Variants in STK32B observed in about 807,000 individuals in gnomAD.
STK32B encodes the protein serine/threonine kinase 32B, also known as serine/threonine-protein kinase 32B.
STK32B carries 43 observed loss-of-function variants against 52.6 expected under a neutral mutation model. That is an observed-to-expected ratio of 0.82 (90% CI 0.64 to 1.05). The LOEUF (loss-of-function observed/expected upper bound fraction) is 1.05. STK32B is among the 50% of genes least tolerant of loss of function. The probability of loss-of-function intolerance (pLI) is 0.00; values close to 1 mark genes in which losing one functional copy is unlikely to be tolerated. For synonymous variants in STK32B, 238 were observed against 204.3 expected, an observed-to-expected ratio of 1.17 and a Z score of -1.41; for missense variants, 621 against 534.6, an observed-to-expected ratio of 1.16 and a Z score of -1.59.
At chr4:5,176,605 A>G (rs1719923824) in intron 3 of STK32B, among the ~76,000 whole-genome samples, 1 of 151,984 alleles carries the variant, frequency 6.6e-6, no homozygotes, top group Non-Finnish European at 1.5e-5. Flanking sequence ...CACCACACGC[A>G]GTTAATTTTT....
chr4:5,431,152 A>G (rs1346650940), intron 6 of STK32B, among the ~76,000 whole-genome samples: 1 of 152,244 alleles, frequency 6.6e-6, no homozygotes, highest in African/African-American at 2.4e-5. Context: ...CCCTGAGGCA[A>G]AAGAAGCTTG....
chr4:5,239,904 T>C (rs61440386), intron 3 of STK32B, among the ~76,000 whole-genome samples: 2,550 of 152,210 alleles, frequency 0.017, 50 homozygotes, highest in East Asian at 0.076. Context: ...CTGCACCTTA[T>C]CTCTGCCATT....
intron 3 of STK32B, among the ~76,000 whole-genome samples, chr4:5,327,979 C>T (rs1480927332): frequency 2.0e-5 from 3 of 152,248 alleles, no homozygotes; most frequent in Admixed American, 6.5e-5. Flanking sequence ...TCTCCATCAA[C>T]ACCTGCTGCT....
chr4:5,097,176 A>G (rs1713448727), intron 1 of STK32B, among the ~76,000 whole-genome samples: 1 of 152,220 alleles, frequency 6.6e-6, no homozygotes, highest in Non-Finnish European at 1.5e-5. Context: ...TGTGGAATGG[A>G]AAAGGGAACG....
rs571473416 is a variant in STK32B at position 5,150,348 on chromosome 4, A to G, written c.108+10388A>G. The stretch of plus-strand genomic sequence containing the variant: ...TGCTAATTACAACATCTGGGTCATC[A>G]TAAGATTCACTTCCACTGATTATCT... On this transcript the variant is annotated intron_variant, in intron 2 of 11. Coordinates refer to ENST00000282908, the MANE Select transcript of STK32B (RefSeq NM_018401.3). Among the ~76,000 whole-genome samples the G allele has an allele frequency of 1.6e-4, 24 of 152,278 alleles. No individual in the cohort carries two copies. The South Asian group carries it at 4.3e-3, about 28-fold the overall frequency.
the STK32B span, among the ~76,000 whole-genome samples, chr4:5,027,943 G>A: frequency 1.3e-5 from 2 of 152,236 alleles, no homozygotes; most frequent in Non-Finnish European, 2.9e-5. Flanking sequence ...TCCAGATCCA[G>A]AGGCTGAGAC....
chr4:5,381,575 A>G (rs16837064), intron 4 of STK32B, among the ~76,000 whole-genome samples: 39,159 of 152,186 alleles, frequency 0.26, 6,100 homozygotes, highest in African/African-American at 0.45. Context: ...GGGGCTGGCC[A>G]TCTTTGTCCC....
At chr4:5,438,744 C>T (rs576186027) in intron 6 of STK32B, among the ~76,000 whole-genome samples, 1 of 152,306 alleles carries the variant, frequency 6.6e-6, no homozygotes, top group African/African-American at 2.4e-5. Context: ...CGATGCTATC[C>T]CTCCTCCCTC....
intron 3 of STK32B, among the ~76,000 whole-genome samples, chr4:5,247,951 G>A (rs575142190): frequency 1.3e-5 from 2 of 152,202 alleles, no homozygotes; most frequent in African/African-American, 4.8e-5. Flanking sequence ...TAAAACACAT[G>A]CCTCTTTTTA....
chr4:5,341,747 G>A (rs1223186102), intron 4 of STK32B, among the ~76,000 whole-genome samples: 1 of 152,164 alleles, frequency 6.6e-6, no homozygotes, highest in African/African-American at 2.4e-5. Flanking sequence ...TCGGCTTCTG[G>A]GGAGGCCTCA....
At chr4:5,129,772 A>C (rs996504836) in intron 1 of STK32B, among the ~76,000 whole-genome samples, 1 of 152,202 alleles carries the variant, frequency 6.6e-6, no homozygotes, top group Non-Finnish European at 1.5e-5. Flanking sequence ...TACTTCCTGA[A>C]GATATCCTTA....
At chr4:5,486,350 A>C (rs1719201166) in intron 11 of STK32B, among the ~76,000 whole-genome samples, 1 of 152,190 alleles carries the variant, frequency 6.6e-6, no homozygotes, top group African/African-American at 2.4e-5. Flanking sequence ...TGTGGTAGCA[A>C]TGAGCGAGGC....
rs867118161 is a variant in STK32B, at chr4:5,209,296, A to T, written c.260+40846A>T. On this transcript the variant is annotated intron_variant, in intron 3 of 11. Transcript: ENST00000282908. ...GAGTGCAGTGTCACAATCACAGCTC[A>T]CTGCAGCCTCAAAATCACAGGTTCA... 1.5e-4 allele frequency among the ~76,000 whole-genome samples: 23 copies of T among 152,296 alleles called. No homozygotes were observed. The Middle Eastern group carries it at 0.01, about 68-fold the overall frequency.
intron 3 of STK32B, among the ~76,000 whole-genome samples, chr4:5,277,454 A>G (rs566692742): frequency 2.6e-5 from 4 of 152,202 alleles, no homozygotes; most frequent in African/African-American, 9.6e-5. Flanking sequence ...TAGCAATTTT[A>G]ATGGGGTTTC....
chr4:5,272,553 T>C (rs1029634664), intron 3 of STK32B, among the ~76,000 whole-genome samples: 16 of 151,976 alleles, frequency 1.1e-4, no homozygotes, highest in Admixed American at 2.6e-4. Flanking sequence ...TCTTTTTCTA[T>C]TGATTGGAAT....
chr4:5,299,117 T>G (rs190325564), intron 3 of STK32B, among the ~76,000 whole-genome samples: 7 of 151,974 alleles, frequency 4.6e-5, no homozygotes, highest in African/African-American at 1.4e-4. Flanking sequence ...TTGCCCTTCA[T>G]GGGCTGCACC....
upstream of STK32B, among the ~76,000 whole-genome samples, chr4:5,050,906 G>A (rs1416160351): frequency 6.6e-6 from 1 of 152,210 alleles, no homozygotes; most frequent in African/African-American, 2.4e-5. Context: ...CTCATGCCCA[G>A]CCATTCCCAG....
rs1735668673 is a variant in STK32B, at chr4:5,377,694, TAGTG to T, written c.435-20506_435-20503del. 7.9e-5 allele frequency among the ~76,000 whole-genome samples: 12 copies of T among 152,322 alleles called. 1 individual carries two copies. In the South Asian group the frequency reaches 2.5e-3, roughly 32 times the overall value. Reference sequence around the variant, plus strand: ...GTCTTCTCCCATGTTGTTCTGGTGATAGTGAGTGAGGTCTCATGGGATCTGATGG... The same window carrying T: ...GTCTTCTCCCATGTTGTTCTGGTGATAGTGAGGTCTCATGGGATCTGATGG... On this transcript the variant is annotated intron_variant, in intron 4 of 11. Coordinates refer to ENST00000282908, the MANE Select transcript of STK32B (RefSeq NM_018401.3).
intron 1 of STK32B, among the ~76,000 whole-genome samples, chr4:5,121,574 A>G (rs772119992): frequency 5.3e-5 from 8 of 152,242 alleles, no homozygotes; most frequent in Non-Finnish European, 7.3e-5. Flanking sequence ...TATGATAGCA[A>G]TAACACCAAG....
Sources: gnomAD v4.1 joint callset for allele counts (sites outside exome capture counted in the v4.1 genomes callset) on GRCh38, gnomAD v4.1.1 for gene constraint, MANE v1.5 for transcripts, NCBI Gene and HGNC (gene_info 2026-07-23, HGNC 2026-07-21) for gene names.